The following ARHGEF18 variants were observed in gnomAD, a reference collection of about 807,000 sequenced individuals.
The protein encoded by ARHGEF18 is rho guanine nucleotide exchange factor 18.
A neutral mutation model predicts 155.7 loss-of-function variants in ARHGEF18; 93 were observed. That is an observed-to-expected ratio of 0.60 (90% CI 0.50 to 0.71). ARHGEF18 has a LOEUF of 0.71. Ranked by LOEUF, ARHGEF18 falls within the 30% of genes least tolerant of loss-of-function variation. ARHGEF18 has a pLI of 0.00. For synonymous variants in ARHGEF18, 742 were observed against 753.1 expected (o/e 0.99, Z 0.24); for missense variants, 1,593 against 1,816.1 (o/e 0.88, Z 2.23).
intron 19 of ARHGEF18, among the ~76,000 whole-genome samples, chr19:7,459,647 C>G (rs115165088): frequency 1.3e-5 from 2 of 152,242 alleles, no homozygotes; most frequent in East Asian, 3.8e-4. Flanking sequence ...TCTGCAAGCC[C>G]GCTGTCCCCT....
At chr19:7,373,827 T>C (rs1970313483) in intron 3 of ARHGEF18, among the ~76,000 whole-genome samples, 1 of 148,822 alleles carries the variant, frequency 6.7e-6, no homozygotes, top group Non-Finnish European at 1.5e-5. Context: ...CCGTTCACAA[T>C]ACAGTTCCCG....
intron 10 of ARHGEF18, among the ~76,000 whole-genome samples, chr19:7,417,618 A>C (rs1269786403): frequency 6.6e-6 from 1 of 152,174 alleles, no homozygotes; most frequent in Non-Finnish European, 1.5e-5. Context: ...AATCACCTGA[A>C]ACCAGGAGGC....
intron 10 of ARHGEF18, among the ~76,000 whole-genome samples, chr19:7,386,626 A>G (rs1260362534): frequency 1.3e-5 from 2 of 152,086 alleles, no homozygotes; most frequent in African/African-American, 4.8e-5. Flanking sequence ...GTCCCAGGGC[A>G]GGAATGTGCC....
At chr19:7,473,471 A>G (rs947645387), downstream of ARHGEF18, 2 of 362,402 alleles carry the variant, frequency 5.5e-6, no homozygotes, top group African/African-American at 4.3e-5. Context: ...GGAGTTCAAG[A>G]CCAGCCTGGG....
chr19:7,380,301 A>AC (rs1249432407), intron 7 of ARHGEF18, among the ~76,000 whole-genome samples: 9 of 151,182 alleles, frequency 6.0e-5, no homozygotes, highest in African/African-American at 1.7e-4. Flanking sequence ...ACATGGTGAA[A>AC]CCCCGTCTCT....
At chr19:7,376,837 G>T in intron 5 of ARHGEF18, 80 bp downstream of exon 5, 1 of 1,010,080 alleles carries the variant, frequency 9.9e-7, no homozygotes, top group South Asian at 5.1e-5. Context: ...ACCCTGTTGG[G>T]GTTTCATCCT....
At chr19:7,413,775 T>A (rs958776123) in intron 10 of ARHGEF18, among the ~76,000 whole-genome samples, 1 of 151,902 alleles carries the variant, frequency 6.6e-6, no homozygotes, top group African/African-American at 2.4e-5. Flanking sequence ...AACAAGATGG[T>A]CGTGAGGTAA....
intron 10 of ARHGEF18, among the ~76,000 whole-genome samples, chr19:7,400,212 A>C (rs1245030421): frequency 6.6e-6 from 1 of 152,192 alleles, no homozygotes; most frequent in African/African-American, 2.4e-5. Context: ...CTTTATTGAA[A>C]TATAATTAGC....
chr19:7,430,484 T>C (rs1271427352), intron 10 of ARHGEF18, among the ~76,000 whole-genome samples: 1 of 152,076 alleles, frequency 6.6e-6, no homozygotes, highest in East Asian at 1.9e-4. Flanking sequence ...ATTACAGGCA[T>C]GAGCCACTGT....
intron 2 of ARHGEF18, among the ~76,000 whole-genome samples, chr19:7,364,407 A>AGGCAGGCT (rs1969797483): frequency 6.6e-6 from 1 of 151,956 alleles, no homozygotes; most frequent in Non-Finnish European, 1.5e-5. Context: ...GAAGGAAGGC[A>AGGCAGGCT]GGCTGACTAA....
intron 15 of ARHGEF18, among the ~76,000 whole-genome samples, chr19:7,450,830 G>T (rs141440906): frequency 0.024 from 2 of 82 alleles, no homozygotes; most frequent in Admixed American, 0.25. Flanking sequence ...GGGTCTTGCT[G>T]TCCGTTTCCG....
At chr19:7,443,320 G>A (rs999305064) in intron 13 of ARHGEF18, among the ~76,000 whole-genome samples, 3 of 152,068 alleles carry the variant, frequency 2.0e-5, no homozygotes, top group African/African-American at 7.2e-5. Flanking sequence ...CTCCCAAAAT[G>A]CTAGGATTAC....
In ARHGEF18 at chr19:7,442,007, A is replaced by G. The variant is rs949722017; in HGVS notation, c.1315A>G (p.Lys439Glu). ...WSLAVDAAYA[K>E]KQKREVVKRQ... Reference sequence around the variant, plus strand: ...CCTCGCCGTGGATGCAGCCTACGCCAAGAAGCAAAAGAGGGAGGTGGTGAA... The same window carrying G: ...CCTCGCCGTGGATGCAGCCTACGCCGAGAAGCAAAAGAGGGAGGTGGTGAA... Residue 439 changes from lysine to glutamate, a missense_variant, in exon 13 of 29, where the codon AAG becomes GAG. Physicochemically the swap from Lys to Glu is moderately conservative, Grantham distance 56. Coordinates refer to ENST00000668164, the MANE Select transcript of ARHGEF18 (RefSeq NM_001367823.1). 1 of 1,614,012 alleles carries G rather than the reference A, an allele frequency of 6.2e-7. No individual in the cohort carries two copies. Among genetic ancestry groups the G allele is most frequent in the Non-Finnish European group, 8.5e-7 (1 of 1,180,008 alleles).
intron 10 of ARHGEF18, chr19:7,383,430 G>A (rs1970845480): frequency 2.4e-6 from 1 of 416,178 alleles, no homozygotes; most frequent in Non-Finnish European, 4.1e-6. Context: ...TTTTGCGATT[G>A]TGGGAATCCT....
intron 10 of ARHGEF18, among the ~76,000 whole-genome samples, chr19:7,401,953 A>C (rs980378485): frequency 1.7e-4 from 26 of 152,220 alleles, no homozygotes; most frequent in Admixed American, 1.5e-3. Flanking sequence ...TCAGTGGAAG[A>C]AGCCAGTCCC....
rs183326758 is a variant in ARHGEF18 at position 7,400,282 on chromosome 19, A to G, written c.967+17079A>G. Among the ~76,000 whole-genome samples, 679 of 152,216 alleles carry G rather than the reference A, an allele frequency of 4.5e-3. 3 individuals are homozygous for G. Among genetic ancestry groups the G allele is most frequent in the Non-Finnish European group, 5.4e-3 (370 of 68,014 alleles). On this transcript the variant is annotated intron_variant, in intron 10 of 28. Coordinates refer to ENST00000668164, the MANE Select transcript of ARHGEF18 (RefSeq NM_001367823.1). ...TTGGTGTGTTTTAGGATATTCACAG[A>G]GTTAAGCAACAGTCATCAGTATTTA... is the stretch of plus-strand genomic sequence containing the variant.
chr19:7,458,859 G>C (rs1976015988), intron 19 of ARHGEF18, among the ~76,000 whole-genome samples, 169 bp downstream of exon 19: 1 of 152,210 alleles, frequency 6.6e-6, no homozygotes, highest in Non-Finnish European at 1.5e-5. Flanking sequence ...TGGACGTTGA[G>C]GCCAACGGGC....
chr19:7,411,221 CTTCTT>C (rs1014041285), intron 10 of ARHGEF18, among the ~76,000 whole-genome samples: 1 of 152,042 alleles, frequency 6.6e-6, no homozygotes, highest in Non-Finnish European at 1.5e-5. Context: ...TCTCTCTTTC[CTTCTT>C]TTCTTCCTGT....
At chr19:7,450,839 C>T (rs780403804) in intron 15 of ARHGEF18, among the ~76,000 whole-genome samples, 1 of 136,340 alleles carries the variant, frequency 7.3e-6, no homozygotes, top group African/African-American at 2.9e-5. Flanking sequence ...TGTCCGTTTC[C>T]GAGATGTTAA....
Sources: allele counts gnomAD v4.1 joint callset (sites outside exome capture counted in the v4.1 genomes callset), GRCh38; gene constraint gnomAD v4.1.1; transcripts MANE v1.5; gene names NCBI Gene and HGNC (gene_info 2026-07-23, HGNC 2026-07-21).